Variants in CHCHD10 observed in about 807,000 individuals in gnomAD.
The protein encoded by CHCHD10 is coiled-coil-helix-coiled-coil-helix domain-containing protein 10, mitochondrial.
In CHCHD10, 10 loss-of-function variants were observed where a neutral mutation model predicts 14.8. That is an observed-to-expected ratio of 0.67 (90% CI 0.42 to 1.14). The LOEUF (loss-of-function observed/expected upper bound fraction) is 1.14. CHCHD10 is among the 50% of genes most tolerant of loss of function. CHCHD10 has a pLI of 0.00. For missense variants in CHCHD10, 203 were observed against 196.9 expected (o/e 1.03, Z -0.19); for synonymous variants, 90 against 85.2 (o/e 1.06, Z -0.31).
In CHCHD10 at chr22:23,767,382, C is replaced by G. The variant is rs1228493867; in HGVS notation, c.253G>C (p.Val85Leu). The G allele has an allele frequency of 6.2e-7, 1 of 1,608,934 alleles. No individual in the cohort carries two copies. The highest frequency in any genetic ancestry group is 1.3e-5 in the African/African-American group (1 of 74,922). Residue 85 changes from valine to leucine, a missense_variant, in exon 2 of 4, where the codon GTC (valine) becomes CTC (leucine). By Grantham distance (32) the Val-to-Leu change is conservative. Transcript: ENST00000484558. ...GGSSEPSQPA[V>L]QQAPTPAAPQ... ...TTGGACTCGCTGCTCACCTGCTGGACAGCAGGCTGGGAGGGCTCCGAGCTC... is the reference window on the plus strand; with the variant it reads ...TTGGACTCGCTGCTCACCTGCTGGAGAGCAGGCTGGGAGGGCTCCGAGCTC...
At position 23,767,884 on chromosome 22, in the gene CHCHD10, G is replaced by A. The variant is rs779250790; in HGVS notation, c.-10C>T. On this transcript the variant is annotated 5_prime_UTR_variant, in exon 1 of 4. Transcript: ENST00000484558. Reference sequence around the variant, plus strand: ...GGCTTCCCCGAGGCATGGTGGCGGCGGTGGGACCCGGGCGACCTTAGAGAC... The same window carrying A: ...GGCTTCCCCGAGGCATGGTGGCGGCAGTGGGACCCGGGCGACCTTAGAGAC... 3 of 1,508,298 alleles carry A rather than the reference G, an allele frequency of 2.0e-6. No homozygotes were observed. Among genetic ancestry groups the A allele is most frequent in the Admixed American group, 4.3e-5 (2 of 46,138 alleles). 93.4% of individuals were successfully genotyped at this position (1,508,298 alleles called of 1,614,324 possible).
rs1381948310 is a variant in CHCHD10, at chr22:23,767,578, G to A, written c.57C>T (p.Pro19=). Residue 19 remains proline (P), a synonymous_variant, in exon 2 of 4, where the codon CCC becomes CCT. Transcript: ENST00000484558. ...GTGGGTGCGCGGGCGGGTGGGCAGA[G>A]GGCGCGGCTGGGCGGCTGCGGGGGT... ...ASRPASRPAA[P]SAHPPAHPPP... 5 of 1,284,432 alleles carry A rather than the reference G, an allele frequency of 3.9e-6. No homozygotes were observed. The South Asian group carries it at 7.2e-5, about 19-fold the overall frequency. 79.6% of individuals were successfully genotyped at this position (1,284,432 alleles called of 1,614,324 possible). A position where few individuals can be genotyped will look rare whatever the true frequency, so the allele number is the denominator to read the frequency against.
chr22:23,766,516 A>G (rs1217207675), intron 2 of CHCHD10: 6 of 449,180 alleles, frequency 1.3e-5, no homozygotes, highest in Non-Finnish European at 2.0e-5. Context: ...GCAGCGGCGC[A>G]GTCTCGGCTC....
chr22:23,767,325 G>C, intron 2 of CHCHD10, 49 bp downstream of exon 2: 1 of 1,500,306 alleles, frequency 6.7e-7, no homozygotes, highest in Non-Finnish European at 9.2e-7. Flanking sequence ...AGCTCCCTGT[G>C]TGGCCTCGAG....
intron 1 of CHCHD10, 75 bp from the exon 2 acceptor site, chr22:23,767,668 C>T (rs1428520396): frequency 4.7e-6 from 4 of 849,960 alleles, no homozygotes; most frequent in African/African-American, 1.8e-5. Flanking sequence ...TGGAAACGAC[C>T]CCCGGAGAGA....
Position 23,767,510 on chromosome 22 carries a change from G to C in CHCHD10, c.125C>G (p.Pro42Arg). Reference sequence around the variant, plus strand: ...GGTCGCCATCTGAGCCATGAGCCCCGGCTGGCCCGAAGGGGCGGGGGCTGG... The same window carrying C: ...GGTCGCCATCTGAGCCATGAGCCCCCGCTGGCCCGAAGGGGCGGGGGCTGG... ...AAPAPAPSGQ[P>R]GLMAQMATTA... Residue 42 changes from proline (P) to arginine (R), a missense_variant, in exon 2 of 4, where the codon CCG becomes CGG. Physicochemically the swap from Pro to Arg is moderately radical, Grantham distance 103 (BLOSUM62 -2). Transcript: ENST00000484558. 1 of 1,528,818 alleles carries C rather than the reference G, an allele frequency of 6.5e-7. No homozygotes were observed. Among genetic ancestry groups the C allele is most frequent in the African/African-American group, 1.4e-5 (1 of 70,528 alleles). The allele number at this position is 1,528,818 out of a possible 1,614,324, so 94.7% of individuals were successfully genotyped here.
rs958389013 is a variant in CHCHD10, at chr22:23,767,599, G to C, written c.42-6C>G. 8.6e-7 allele frequency: 1 copy of C among 1,160,952 alleles called. No individual in the cohort carries two copies. The highest frequency in any genetic ancestry group is 1.1e-6 in the Non-Finnish European group (1 of 884,016). The allele number at this position is 1,160,952 out of a possible 1,614,324, so 71.9% of individuals were successfully genotyped here. On this transcript the variant is annotated splice_region_variant and splice_polypyrimidine_tract_variant and intron_variant, in intron 1 of 3. Coordinates refer to ENST00000484558, the MANE Select transcript of CHCHD10 (RefSeq NM_213720.3). ...CAGAGGGCGCGGCTGGGCGGCTGCG[G>C]GGGTGGGAGGAAGCAGGGTTAATCC...
At position 23,767,364 on chromosome 22, in the gene CHCHD10, C is replaced by A; in HGVS notation, c.261+10G>T. The stretch of plus-strand genomic sequence containing the variant: ...ATCCTGCCTCAGTTTCTCTTGGACT[C>A]GCTGCTCACCTGCTGGACAGCAGGC... On this transcript the variant is annotated intron_variant, in intron 2 of 3. Transcript: ENST00000484558. 1 of 1,606,858 alleles carries A rather than the reference C, an allele frequency of 6.2e-7. No individual in the cohort carries two copies.
In CHCHD10 at chr22:23,767,402, G is replaced by C. The variant is rs1333579062; in HGVS notation, c.233C>G (p.Ser78Trp). 2.5e-6 allele frequency: 4 copies of C among 1,608,366 alleles called. No homozygotes were observed. In the African/African-American group the frequency reaches 4.0e-5, roughly 16 times the overall value. Residue 78 changes from serine (S) to tryptophan (W), a missense_variant, in exon 2 of 4, where the codon TCG becomes TGG. By Grantham distance (177) the Ser-to-Trp change is radical. Coordinates refer to ENST00000484558, the MANE Select transcript of CHCHD10 (RefSeq NM_213720.3). ...CTGGACAGCAGGCTGGGAGGGCTCC[G>C]AGCTCCCCCCGCTGAAGGCTCCGGT... ...ALTGAFSGGS[S>W]EPSQPAVQQA...
chr22:23,767,616 G>T, intron 1 of CHCHD10, 23 bp from the exon 2 acceptor site: 1 of 1,030,920 alleles, frequency 9.7e-7, no homozygotes, highest in East Asian at 3.2e-5. Context: ...GAGGAAGCAG[G>T]GTTAATCCTG....
Position 23,767,196 on chromosome 22 carries a change from G to T in CHCHD10, c.261+178C>A, listed in dbSNP as rs1194821196. ...ACCCTGGCCTCAAGGGAGAGGCCGGGAAGCCTGCCTCTAAGTGACAGTGAA... is the reference window on the plus strand; with the variant it reads ...ACCCTGGCCTCAAGGGAGAGGCCGGTAAGCCTGCCTCTAAGTGACAGTGAA... On this transcript the variant is annotated intron_variant, in intron 2 of 3. Transcript: ENST00000484558. 3.3e-5 allele frequency among the ~76,000 whole-genome samples: 5 copies of T among 152,194 alleles called. No homozygotes were observed. The East Asian group carries it at 9.6e-4, about 29-fold the overall frequency.
Position 23,767,465 on chromosome 22 carries a change from A to G in CHCHD10, c.170T>C (p.Val57Ala), listed in dbSNP as rs1248724586. 3 of 1,595,912 alleles carry G rather than the reference A, an allele frequency of 1.9e-6. No individual in the cohort carries two copies. In the East Asian group the frequency reaches 6.9e-5, roughly 37 times the overall value. The change falls in exon 2 of 4, where the codon GTG becomes GCG. Residue 57 changes from valine (V) to alanine (A), a missense_variant. Coordinates refer to ENST00000484558, the MANE Select transcript of CHCHD10 (RefSeq NM_213720.3). ...QMATTAAGVAVGSAVGHVMGS... is the reference protein window; with the variant it reads ...QMATTAAGVAAGSAVGHVMGS... Reference sequence around the variant, plus strand: ...CATGACGTGTCCCACAGCCGAGCCCACGGCTACCCCTGCGGCCGTGGTCGC... The same window carrying G: ...CATGACGTGTCCCACAGCCGAGCCCGCGGCTACCCCTGCGGCCGTGGTCGC...
chr22:23,766,354 G>A, intron 2 of CHCHD10, 79 bp from the exon 3 acceptor site: 1 of 1,319,202 alleles, frequency 7.6e-7, no homozygotes, highest in Non-Finnish European at 1.0e-6. Context: ...GGGGCCACCT[G>A]CCCCTCCCCA....
intron 2 of CHCHD10, 118 bp downstream of exon 2, chr22:23,767,254 CAG>C: frequency 1.2e-6 from 1 of 826,824 alleles, no homozygotes; most frequent in Non-Finnish European, 2.0e-6. Flanking sequence ...CCTTCCCGGG[CAG>C]AGTCCTGGGC....
Position 23,767,452 on chromosome 22 carries a change from C to A in CHCHD10, c.183G>T (p.Val61=). The A allele has an allele frequency of 6.2e-7, 1 of 1,602,228 alleles. No homozygotes were observed. Among genetic ancestry groups the A allele is most frequent in the Non-Finnish European group, 8.5e-7 (1 of 1,176,114 alleles). The change falls in exon 2 of 4, where the codon GTG becomes GTT. Residue 61 remains valine (V), a synonymous_variant. Coordinates refer to ENST00000484558, the MANE Select transcript of CHCHD10 (RefSeq NM_213720.3). ...TAAGVAVGSA[V]GHVMGSALTG... ...TCAGGGCGCTGCCCATGACGTGTCC[C>A]ACAGCCGAGCCCACGGCTACCCCTG...
At chr22:23,766,492 A>G (rs1926832827) in intron 2 of CHCHD10, 2 of 521,904 alleles carry the variant, frequency 3.8e-6, no homozygotes, top group Non-Finnish European at 6.7e-6. Flanking sequence ...TCACTCTGTC[A>G]CCTAGAGTGG....
chr22:23,765,866 T>C lies in CHCHD10; in HGVS notation c.*141A>G. ...TAAAATAAACTTTTAATTGCACATTTGTGTCTTGGGTTATCTGTGGGGTGA... is the reference window on the plus strand; with the variant it reads ...TAAAATAAACTTTTAATTGCACATTCGTGTCTTGGGTTATCTGTGGGGTGA... On this transcript the variant is annotated 3_prime_UTR_variant, in exon 4 of 4. Coordinates refer to ENST00000484558, the MANE Select transcript of CHCHD10 (RefSeq NM_213720.3). The C allele has an allele frequency of 6.5e-7, 1 of 1,544,338 alleles. No individual in the cohort carries two copies. Among genetic ancestry groups the C allele is most frequent in the Non-Finnish European group, 8.8e-7 (1 of 1,131,394 alleles).
At chr22:23,766,906 C>T (rs1259038272) in intron 2 of CHCHD10, among the ~76,000 whole-genome samples, 2 of 152,342 alleles carry the variant, frequency 1.3e-5, no homozygotes, top group East Asian at 3.9e-4. Flanking sequence ...CCTCATGACC[C>T]CTGACCTAGC....
intron 2 of CHCHD10, 33 bp downstream of exon 2, chr22:23,767,341 C>A (rs938100726): frequency 1.6e-5 from 25 of 1,575,126 alleles, no homozygotes; most frequent in Non-Finnish European, 2.1e-5. Flanking sequence ...TCGAGATAAT[C>A]CTGCCTCAGT....
Sources: gnomAD v4.1 joint callset for allele counts (sites outside exome capture counted in the v4.1 genomes callset) on GRCh38, gnomAD v4.1.1 for gene constraint, MANE v1.5 for transcripts, NCBI Gene and HGNC (gene_info 2026-07-23, HGNC 2026-07-21) for gene names.